KCND2: variants seen among roughly 807,000 people sequenced by gnomAD.
The protein encoded by KCND2 is potassium voltage-gated channel subfamily D member 2.
KCND2 carries 16 observed loss-of-function variants against 54.4 expected under a neutral mutation model. The ratio of observed to expected loss-of-function variants is 0.29; its 90% CI spans 0.20 to 0.45. The LOEUF is 0.45. KCND2 is among the 20% of genes least tolerant of loss of function. The pLI, the probability that KCND2 is intolerant of heterozygous loss-of-function variation, is 1.00. For synonymous variants in KCND2, 317 were observed against 310.7 expected (o/e 1.02, Z -0.21); for missense variants, 486 against 824.2 (o/e 0.59, Z 5.02).
chr7:120,484,537 A>G (rs574446182), intron 1 of KCND2, among the ~76,000 whole-genome samples: 1 of 151,288 alleles, frequency 6.6e-6, no homozygotes, highest in South Asian at 2.1e-4. Context: ...GAAATCTGCT[A>G]TATCTATGGC....
intron 1 of KCND2, among the ~76,000 whole-genome samples, chr7:120,415,684 T>C (rs1235807145): frequency 6.6e-6 from 1 of 152,200 alleles, no homozygotes; most frequent in Non-Finnish European, 1.5e-5. Context: ...ACTAAATTGA[T>C]GAATGGCATT....
chr7:120,378,935 A>G (rs1024942564), intron 1 of KCND2, among the ~76,000 whole-genome samples: 12 of 152,014 alleles, frequency 7.9e-5, no homozygotes, highest in Admixed American at 1.3e-4. Context: ...GGAAATTTAT[A>G]TGCATGTTTC....
At chr7:120,677,809 A>G in intron 1 of KCND2, among the ~76,000 whole-genome samples, 1 of 152,010 alleles carries the variant, frequency 6.6e-6, no homozygotes, top group Non-Finnish European at 1.5e-5. Flanking sequence ...GAAGGAGAAG[A>G]TTGCAATATA....
chr7:120,396,053 T>G (rs1244209385), intron 1 of KCND2, among the ~76,000 whole-genome samples: 1 of 152,018 alleles, frequency 6.6e-6, no homozygotes, highest in South Asian at 2.1e-4. Flanking sequence ...TTTGTATAGA[T>G]AGATTACACA....
intron 1 of KCND2, among the ~76,000 whole-genome samples, chr7:120,380,018 A>G (rs1370132537): frequency 1.3e-5 from 2 of 152,088 alleles, no homozygotes; most frequent in African/African-American, 4.8e-5. Context: ...ACCTGTACAT[A>G]TTTTCATATG....
At chr7:120,653,340 C>T (rs779376401) in intron 1 of KCND2, among the ~76,000 whole-genome samples, 82 of 152,050 alleles carry the variant, frequency 5.4e-4, no homozygotes, top group Non-Finnish European at 9.6e-4. Flanking sequence ...GCCACCACAT[C>T]GGGCCCCTCT....
At chr7:120,560,594 G>A (rs1024399930) in intron 1 of KCND2, among the ~76,000 whole-genome samples, 1 of 152,158 alleles carries the variant, frequency 6.6e-6, no homozygotes, top group South Asian at 2.1e-4. Context: ...TGAAACAGAT[G>A]CAAATGAATG....
chr7:120,522,087 CT>C (rs2116348521), intron 1 of KCND2, among the ~76,000 whole-genome samples: 1 of 152,280 alleles, frequency 6.6e-6, no homozygotes, highest in Non-Finnish European at 1.5e-5. Flanking sequence ...TCCAATCTGA[CT>C]TTTTGTGGCT....
chr7:120,446,545 A>AACACACAC (rs150533505), intron 1 of KCND2, among the ~76,000 whole-genome samples: 2 of 138,672 alleles, frequency 1.4e-5, no homozygotes, highest in Non-Finnish European at 3.0e-5. Context: ...CCATATTATA[A>AACACACAC]ACACACACAC....
chr7:120,635,785 C>T (rs959139231), intron 1 of KCND2, among the ~76,000 whole-genome samples: 16 of 151,948 alleles, frequency 1.1e-4, no homozygotes, highest in African/African-American at 3.9e-4. Flanking sequence ...TAGATAATTG[C>T]CAGGATAAAA....
intron 1 of KCND2, among the ~76,000 whole-genome samples, chr7:120,637,775 G>GTCTTAAAT (rs1295592875): frequency 2.0e-4 from 31 of 152,196 alleles, no homozygotes; most frequent in African/African-American, 7.5e-4. Flanking sequence ...AGCTCAAAGT[G>GTCTTAAAT]TCTTAAATCC....
chr7:120,720,154 G>A (rs988843054), intron 1 of KCND2, among the ~76,000 whole-genome samples: 2 of 152,058 alleles, frequency 1.3e-5, no homozygotes, highest in African/African-American at 4.8e-5. Context: ...CCTAGAAGAA[G>A]GTCCATCTTA....
intron 1 of KCND2, among the ~76,000 whole-genome samples, chr7:120,520,309 T>TA (rs1236349994): frequency 1.3e-5 from 2 of 152,134 alleles, no homozygotes; most frequent in Non-Finnish European, 2.9e-5. Flanking sequence ...AAGTTACACA[T>TA]AAGAAAAAAT....
intron 1 of KCND2, among the ~76,000 whole-genome samples, chr7:120,459,478 A>T (rs539691121): frequency 6.6e-6 from 1 of 152,272 alleles, no homozygotes; most frequent in South Asian, 2.1e-4. Flanking sequence ...TCTTTGCTTT[A>T]GATTTTTCCA....
At chr7:120,506,269 G>A (rs955025493) in intron 1 of KCND2, among the ~76,000 whole-genome samples, 1 of 151,792 alleles carries the variant, frequency 6.6e-6, no homozygotes, top group Non-Finnish European at 1.5e-5. Context: ...GGTACACAAA[G>A]ATAAATATGA....
chr7:120,288,185 T>C (rs12706273), intron 1 of KCND2, among the ~76,000 whole-genome samples: 145,586 of 152,154 alleles, frequency 0.96, 69,971 homozygotes, highest in East Asian at 1. Flanking sequence ...ACCAATTGGT[T>C]GTAATAAAAG....
chr7:120,570,326 C>T (rs533197241), intron 1 of KCND2, among the ~76,000 whole-genome samples: 5 of 151,704 alleles, frequency 3.3e-5, no homozygotes, highest in Non-Finnish European at 4.4e-5. Context: ...ACTGTTCAGG[C>T]GACTGGGAAA....
intron 1 of KCND2, among the ~76,000 whole-genome samples, chr7:120,644,884 A>T (rs925534531): frequency 1.3e-5 from 2 of 152,174 alleles, no homozygotes; most frequent in African/African-American, 4.8e-5. Flanking sequence ...TCATACACGC[A>T]TGATAGATAA....
chr7:120,600,789 A>G (rs1175670877), intron 1 of KCND2, among the ~76,000 whole-genome samples: 1 of 152,084 alleles, frequency 6.6e-6, no homozygotes, highest in African/African-American at 2.4e-5. Context: ...ATATGCTGAT[A>G]TAGGAAATAT....
Sources: allele counts gnomAD v4.1 joint callset (sites outside exome capture counted in the v4.1 genomes callset), GRCh38; gene constraint gnomAD v4.1.1; transcripts MANE v1.5; gene names NCBI Gene and HGNC (gene_info 2026-07-23, HGNC 2026-07-21).